The following SRRM2 variants were observed in gnomAD, a reference collection of about 807,000 sequenced individuals.
SRRM2 encodes serine/arginine repetitive matrix 2.
SRRM2 carries 30 observed loss-of-function variants against 213.8 expected under a neutral mutation model. The observed-to-expected ratio is 0.14, with a 90% CI of 0.10 to 0.19. The LOEUF is 0.19. SRRM2 is among the 10% of genes least tolerant of loss of function. The pLI is 1.00. For synonymous variants in SRRM2, 2,025 were observed against 1,377.7 expected, an observed-to-expected ratio of 1.47 and a Z score of -10.40; for missense variants, 4,904 against 3,647.0, an observed-to-expected ratio of 1.34 and a Z score of -8.88.
In SRRM2 at chr16:2,761,831, A is replaced by G. The variant is rs544774074; in HGVS notation, c.1303A>G (p.Ser435Gly). The G allele has an allele frequency of 1.7e-5, 28 of 1,613,660 alleles. No homozygotes were observed. The South Asian group carries it at 2.6e-4, about 15-fold the overall frequency. The change falls in exon 11 of 15, where the codon AGC (serine) becomes GGC (glycine). Residue 435 changes from serine to glycine, a missense_variant. Physicochemically the swap from Ser to Gly is moderately conservative, Grantham distance 56. Transcript: ENST00000301740. ...PQPTKVSRHA[S>G]SSPESPKPAP... ...ACCTACCAAAGTTTCTCGGCATGCCAGCTCTTCCCCAGAAAGTCCTAAACC... is the reference window on the plus strand; with the variant it reads ...ACCTACCAAAGTTTCTCGGCATGCCGGCTCTTCCCCAGAAAGTCCTAAACC...
In SRRM2 at chr16:2,768,236, G is replaced by C. The variant is rs909620717; in HGVS notation, c.7708G>C (p.Val2570Leu). Residue 2570 changes from valine to leucine, a missense_variant, in exon 11 of 15, where the codon GTG (valine) becomes CTG (leucine). Val to Leu is a conservative substitution (Grantham distance 32, BLOSUM62 1). Transcript: ENST00000301740. ...TGACTCAGAGGGCTCTAGCCTTCCTGTGCAACCTGAGGTGGCACTGAAGAG... is the reference window on the plus strand; with the variant it reads ...TGACTCAGAGGGCTCTAGCCTTCCTCTGCAACCTGAGGTGGCACTGAAGAG... ...SSDSEGSSLP[V>L]QPEVALKRVP... is the part of the protein sequence containing the mutation. 1.9e-6 allele frequency: 3 copies of C among 1,567,630 alleles called. No individual in the cohort carries two copies. Among genetic ancestry groups the C allele is most frequent in the Non-Finnish European group, 2.6e-6 (3 of 1,157,740 alleles).
chr16:2,762,965 A>G lies in SRRM2; in HGVS notation c.2437A>G (p.Arg813Gly). 6.2e-7 allele frequency: 1 copy of G among 1,611,220 alleles called. No homozygotes were observed. The highest frequency in any genetic ancestry group is 8.5e-7 in the Non-Finnish European group (1 of 1,177,530). ...TAAAGCTAAATCTAGAACGCCACCC[A>G]GACGCAGTCGCTCCAGTTCTTCTCC... ...QPKAKSRTPP[R>G]RSRSSSSPPP... Residue 813 changes from arginine (R) to glycine (G), a missense_variant, in exon 11 of 15, where the codon AGA becomes GGA. By Grantham distance (125) the Arg-to-Gly change is moderately radical. Transcript: ENST00000301740.
Position 2,766,402 on chromosome 16 carries a change from C to T in SRRM2, c.5874C>T (p.Ser1958=), listed in dbSNP as rs2068545024. 1.2e-6 allele frequency: 2 copies of T among 1,613,128 alleles called. No homozygotes were observed. The highest frequency in any genetic ancestry group is 1.7e-5 in the Admixed American group (1 of 59,928). ...SRTPPVTRRR[S]RSRTPPVTRR... Reference sequence around the variant, plus strand: ...CTCCACCAGTGACTCGCAGAAGGTCCAGATCCAGGACTCCACCAGTAACCA... The same window carrying T: ...CTCCACCAGTGACTCGCAGAAGGTCTAGATCCAGGACTCCACCAGTAACCA... The change falls in exon 11 of 15, where the codon TCC becomes TCT. Residue 1958 remains serine (S), a synonymous_variant. Coordinates refer to ENST00000301740, the MANE Select transcript of SRRM2 (RefSeq NM_016333.4). This position sits in a 1 kb window ranked among gnomAD's most constrained non-coding sequence, Gnocchi z 7.0.
rs1567223167 is a variant in SRRM2 at position 2,759,328 on chromosome 16, TAAC to T, written c.690-20_690-18del. 4.3e-6 allele frequency: 7 copies of T among 1,610,082 alleles called. No individual in the cohort carries two copies. The South Asian group carries it at 5.6e-5, about 13-fold the overall frequency. ...TTTCCTTTTTTAAAGAAGTTACTTT[TAAC>T]AACCTTTCCTTATTTCCCAGGTCTC... On this transcript the variant is annotated intron_variant, in intron 7 of 14. Transcript: ENST00000301740.
chr16:2,760,018 G>A (rs2068283420), intron 9 of SRRM2: 2 of 553,992 alleles, frequency 3.6e-6, no homozygotes, highest in East Asian at 6.2e-5. Context: ...GGTGAGTTGT[G>A]AATGAAGCGG....
In SRRM2 at chr16:2,752,715, A is replaced by AGGCGTC. The variant is rs1268842194; in HGVS notation, c.-153_-148dup. The AGGCGTC allele has an allele frequency of 9.0e-5, 32 of 356,900 alleles. No individual in the cohort carries two copies. Among genetic ancestry groups the AGGCGTC allele is most frequent in the African/African-American group, 5.4e-4 (24 of 44,276 alleles). The allele number at this position is 356,900 out of a possible 1,614,324, so 22.1% of individuals were successfully genotyped here. The stretch of plus-strand genomic sequence containing the variant: ...CGTTGCGGCCCCTGAGGAAGCGAGG[A>AGGCGTC]GGCGTCGGCGTCGGCTGAGGCGGGC... On this transcript the variant is annotated 5_prime_UTR_variant, in exon 1 of 15. Coordinates refer to ENST00000301740, the MANE Select transcript of SRRM2 (RefSeq NM_016333.4).
At chr16:2,768,793 G>C (rs1465594867) in intron 11 of SRRM2, 6 of 957,148 alleles carry the variant, frequency 6.3e-6, no homozygotes, top group Non-Finnish European at 9.7e-6. Context: ...CTTATGCTGC[G>C]GGCCCCAGCC....
In SRRM2 at chr16:2,766,830, G is replaced by A; in HGVS notation, c.6302G>A (p.Gly2101Asp). The change falls in exon 11 of 15, where the codon GGT becomes GAT. Residue 2101 changes from glycine to aspartate, a missense_variant. Physicochemically the swap from Gly to Asp is moderately conservative, Grantham distance 94. Coordinates refer to ENST00000301740, the MANE Select transcript of SRRM2 (RefSeq NM_016333.4). The surrounding 1 kb of genome is among the most constrained non-coding windows in gnomAD (Gnocchi z 7.0). ...ATPPATRNHS[G>D]SRTPPVALNS... ...CCTCCAGCAACAAGAAATCATTCTG[G>A]TTCACGGACACCTCCAGTAGCACTC... 1 of 1,614,156 alleles carries A rather than the reference G, an allele frequency of 6.2e-7. No homozygotes were observed. Among genetic ancestry groups the A allele is most frequent in the Non-Finnish European group, 8.5e-7 (1 of 1,180,032 alleles).
rs1051319627 is a variant in SRRM2, at chr16:2,762,501, C to T, written c.1973C>T (p.Ser658Leu). 6.2e-7 allele frequency: 1 copy of T among 1,613,416 alleles called. No individual in the cohort carries two copies. Among genetic ancestry groups the T allele is most frequent in the Admixed American group, 1.7e-5 (1 of 59,974 alleles). The change falls in exon 11 of 15, where the codon TCA (serine) becomes TTA (leucine). Residue 658 changes from serine (S) to leucine (L), a missense_variant. Physicochemically the swap from Ser to Leu is moderately radical, Grantham distance 145 (BLOSUM62 -2). Transcript: ENST00000301740. Reference protein sequence around the residue: ...RSRTPARRGRSRSRTPARRGR... With the variant: ...RSRTPARRGRLRSRTPARRGR... ...AGAACCCCAGCTAGACGTGGCCGCT[C>T]ACGCTCCAGAACCCCAGCCAGACGT...
chr16:2,768,673 C>T lies in SRRM2; in HGVS notation c.7734-324C>T, dbSNP rs1313364841. The T allele has an allele frequency of 1.5e-5, 10 of 657,582 alleles. No homozygotes were observed. In the East Asian group the frequency reaches 2.8e-4, roughly 18 times the overall value. The allele number at this position is 657,582 out of a possible 1,614,324, so 40.7% of individuals were successfully genotyped here. Reference sequence around the variant, plus strand: ...GCCAACCTGCACTCACAGGGGCCTCCCCAAGCTGCGGCTCTCCGAGGAAGG... The same window carrying T: ...GCCAACCTGCACTCACAGGGGCCTCTCCAAGCTGCGGCTCTCCGAGGAAGG... On this transcript the variant is annotated intron_variant, in intron 11 of 14. Transcript: ENST00000301740.
At chr16:2,768,341 G>C in intron 11 of SRRM2, 80 bp downstream of exon 11, 1 of 1,460,916 alleles carries the variant, frequency 6.8e-7, no homozygotes. Context: ...GAGAAACCAT[G>C]TCACAGGTGC....
At position 2,756,589 on chromosome 16, in the gene SRRM2, G is replaced by C. The variant is rs2068150136; in HGVS notation, c.225G>C (p.Glu75Asp). Reference sequence around the variant, plus strand: ...AGCTGCGATGCCTCGAGCTGGAGGAGATGATGGAAGAGCAGGGGTGAGGGA... The same window carrying C: ...AGCTGCGATGCCTCGAGCTGGAGGACATGATGGAAGAGCAGGGGTGAGGGA... ...RVELRCLELE[E>D]MMEEQGYEEQ... The change falls in exon 2 of 15, where the codon GAG becomes GAC. Residue 75 changes from glutamate (E) to aspartate (D), a missense_variant. Coordinates refer to ENST00000301740, the MANE Select transcript of SRRM2 (RefSeq NM_016333.4). The C allele has an allele frequency of 3.7e-6, 6 of 1,613,218 alleles. No homozygotes were observed. Among genetic ancestry groups the C allele is most frequent in the African/African-American group, 1.3e-5 (1 of 74,922 alleles).
rs367767197 is a variant in SRRM2, at chr16:2,763,891, C to A, written c.3363C>A (p.Phe1121Leu). 26 of 1,614,068 alleles carry A rather than the reference C, an allele frequency of 1.6e-5. No individual in the cohort carries two copies. Among genetic ancestry groups the A allele is most frequent in the Non-Finnish European group, 2.1e-5 (25 of 1,180,032 alleles). ...RSPIRQDRGEFSASPMLKSGM... is the reference protein window; with the variant it reads ...RSPIRQDRGELSASPMLKSGM... ...CAATAAGACAAGATAGAGGTGAGTT[C>A]TCAGCGAGTCCTATGTTGAAATCTG... Residue 1121 changes from phenylalanine to leucine, a missense_variant, in exon 11 of 15, where the codon TTC (phenylalanine) becomes TTA (leucine). Coordinates refer to ENST00000301740, the MANE Select transcript of SRRM2 (RefSeq NM_016333.4).
At chr16:2,768,616 C>CA (rs1440323697) in intron 11 of SRRM2, 4 of 632,680 alleles carry the variant, frequency 6.3e-6, no homozygotes, top group Admixed American at 2.1e-5. Context: ...CCATCCCTCT[C>CA]CCTGCCTCCA....
rs2068471981 is a variant in SRRM2, at chr16:2,764,498, G to A, written c.3970G>A (p.Glu1324Lys). 1 of 1,614,176 alleles carries A rather than the reference G, an allele frequency of 6.2e-7. No individual in the cohort carries two copies. Among genetic ancestry groups the A allele is most frequent in the East Asian group, 2.2e-5 (1 of 44,894 alleles). Residue 1324 changes from glutamate (E) to lysine (K), a missense_variant, in exon 11 of 15, where the codon GAG (glutamate) becomes AAG (lysine). Coordinates refer to ENST00000301740, the MANE Select transcript of SRRM2 (RefSeq NM_016333.4). ...HKELSNSPLR[E>K]NSFGSPLEFR... ...AGAACTGTCTAACTCCCCACTCAGGGAGAACAGCTTTGGATCACCTTTAGA... is the reference window on the plus strand; with the variant it reads ...AGAACTGTCTAACTCCCCACTCAGGAAGAACAGCTTTGGATCACCTTTAGA...
chr16:2,760,192 A>G (rs1416491537), intron 9 of SRRM2, 109 bp from the exon 10 acceptor site: 9 of 1,089,108 alleles, frequency 8.3e-6, no homozygotes, highest in Non-Finnish European at 1.2e-5. Context: ...GGCTTTTTGG[A>G]AGAGGGTTGT....
At position 2,767,904 on chromosome 16, in the gene SRRM2, C is replaced by G; in HGVS notation, c.7376C>G (p.Ser2459Cys). The stretch of plus-strand genomic sequence containing the variant: ...GTGCCTTCTGCTTTTTCAGACCAAT[C>G]CCGTTGTTTGATTGCCCAGACCACC... Reference protein sequence around the residue: ...SPVPSAFSDQSRCLIAQTTPV... With the variant: ...SPVPSAFSDQCRCLIAQTTPV... The change falls in exon 11 of 15, where the codon TCC (serine) becomes TGC (cysteine). Residue 2459 changes from serine (S) to cysteine (C), a missense_variant. Transcript: ENST00000301740. The G allele has an allele frequency of 6.2e-7, 1 of 1,614,160 alleles. No individual in the cohort carries two copies. The highest frequency in any genetic ancestry group is 8.5e-7 in the Non-Finnish European group (1 of 1,180,040).
rs760879886 is a variant in SRRM2 at position 2,765,765 on chromosome 16, G to A, written c.5237G>A (p.Arg1746His). The change falls in exon 11 of 15, where the codon CGC becomes CAC. Residue 1746 changes from arginine to histidine, a missense_variant. Coordinates refer to ENST00000301740, the MANE Select transcript of SRRM2 (RefSeq NM_016333.4). ...AAATCGAGGTCTTCACGCCGACGGCGCTCAGCTTCATCTCCACGCACTAAG... is the reference window on the plus strand; with the variant it reads ...AAATCGAGGTCTTCACGCCGACGGCACTCAGCTTCATCTCCACGCACTAAG... ...AEKSRSSRRR[R>H]SASSPRTKTT... The A allele has an allele frequency of 1.1e-5, 18 of 1,613,956 alleles. No individual in the cohort carries two copies. The highest frequency in any genetic ancestry group is 8.3e-5 in the Admixed American group (5 of 60,002).
Position 2,767,813 on chromosome 16 carries a change from T to C in SRRM2, c.7285T>C (p.Ser2429Pro), listed in dbSNP as rs779004422. 1 of 1,613,886 alleles carries C rather than the reference T, an allele frequency of 6.2e-7. No homozygotes were observed. Among genetic ancestry groups the C allele is most frequent in the Non-Finnish European group, 8.5e-7 (1 of 1,179,952 alleles). The change falls in exon 11 of 15, where the codon TCT (serine) becomes CCT (proline). Residue 2429 changes from serine to proline, a missense_variant. Coordinates refer to ENST00000301740, the MANE Select transcript of SRRM2 (RefSeq NM_016333.4). ...MTSERAPSPS[S>P]RMGQAPSQSL... ...CTCTGAACGGGCTCCCTCCCCTTCCTCTAGAATGGGCCAGGCTCCTTCACA... is the reference window on the plus strand; with the variant it reads ...CTCTGAACGGGCTCCCTCCCCTTCCCCTAGAATGGGCCAGGCTCCTTCACA...
Sources: allele counts gnomAD v4.1 joint callset, GRCh38; gene constraint gnomAD v4.1.1; non-coding constraint Gnocchi (gnomAD v3.1); transcripts MANE v1.5; gene names NCBI Gene and HGNC (gene_info 2026-07-23, HGNC 2026-07-21).